The following RBFOX1 variants were observed in gnomAD, a reference collection of about 807,000 sequenced individuals.
RBFOX1 encodes the protein RNA binding protein fox-1 homolog 1.
RBFOX1 carries 8 observed loss-of-function variants against 57.7 expected under a neutral mutation model. That is an observed-to-expected ratio of 0.14 (90% CI 0.08 to 0.25). The LOEUF (loss-of-function observed/expected upper bound fraction) is 0.25, where lower values mean the gene tolerates loss of function less well. Ranked by LOEUF, RBFOX1 falls within the 10% of genes least tolerant of loss-of-function variation. The pLI is 1.00. For synonymous variants in RBFOX1, 326 were observed against 222.4 expected, an observed-to-expected ratio of 1.47 and a Z score of -4.15; for missense variants, 611 against 548.5, an observed-to-expected ratio of 1.11 and a Z score of -1.14.
At chr16:7,258,394 C>G (rs7200654) in intron 4 of RBFOX1, among the ~76,000 whole-genome samples, 2,630 of 152,162 alleles carry the variant, frequency 0.017, 69 homozygotes, top group African/African-American at 0.06. Flanking sequence ...ATACACTTAA[C>G]TTGGGAAGAT....
intron 4 of RBFOX1, among the ~76,000 whole-genome samples, chr16:7,127,583 C>T (rs2068944770): frequency 6.6e-6 from 1 of 152,134 alleles, no homozygotes; most frequent in Non-Finnish European, 1.5e-5. Context: ...GGAATGTGTA[C>T]ATTCTGTATC....
At chr16:7,688,475 C>G (rs1568467601) in intron 14 of RBFOX1, among the ~76,000 whole-genome samples, 1 of 151,944 alleles carries the variant, frequency 6.6e-6, no homozygotes, top group East Asian at 1.9e-4. Flanking sequence ...CTGCCCGCAC[C>G]AAAAGTTTTC....
At chr16:7,036,362 G>A (rs1430959867) in intron 3 of RBFOX1, among the ~76,000 whole-genome samples, 1 of 152,066 alleles carries the variant, frequency 6.6e-6, no homozygotes, top group Admixed American at 6.6e-5. Context: ...CTGTGTTATA[G>A]GAAAGGGGTC....
intron 3 of RBFOX1, among the ~76,000 whole-genome samples, chr16:6,766,207 T>C (rs1027474199): frequency 6.6e-6 from 1 of 152,112 alleles, no homozygotes; most frequent in Non-Finnish European, 1.5e-5. Context: ...ATAAGAGCCC[T>C]TCAGTCCAAC....
intron 5 of RBFOX1, among the ~76,000 whole-genome samples, chr16:7,567,705 A>ATATAGATATAT (rs1567869687): frequency 7.5e-6 from 1 of 133,242 alleles, no homozygotes; most frequent in African/African-American, 2.9e-5. Flanking sequence ...CCCTATATAT[A>ATATAGATATAT]ATCCCTATAT....
intron 4 of RBFOX1, among the ~76,000 whole-genome samples, chr16:7,448,444 G>A (rs993874805): frequency 6.6e-6 from 1 of 152,100 alleles, no homozygotes; most frequent in Non-Finnish European, 1.5e-5. Flanking sequence ...TTTACATGGC[G>A]GCAGGCAAGA....
chr16:6,823,823 G>C (rs1375276346), intron 3 of RBFOX1, among the ~76,000 whole-genome samples: 1 of 152,158 alleles, frequency 6.6e-6, no homozygotes, highest in Non-Finnish European at 1.5e-5. Context: ...TGGGGACCTA[G>C]CCAGGTAATC....
At chr16:6,327,560 G>A (rs143877901) in intron 2 of RBFOX1, among the ~76,000 whole-genome samples, 2 of 152,116 alleles carry the variant, frequency 1.3e-5, no homozygotes, top group African/African-American at 4.8e-5. Flanking sequence ...TGCCCATAAT[G>A]AGGACTCAGA....
intron 1 of RBFOX1, among the ~76,000 whole-genome samples, chr16:6,185,426 A>T (rs1166903203): frequency 6.6e-6 from 1 of 152,194 alleles, no homozygotes; most frequent in African/African-American, 2.4e-5. Context: ...CCATTTTACA[A>T]TGAAGAAACC....
chr16:6,146,462 G>A lies in RBFOX1; in HGVS notation c.-127+126470G>A, dbSNP rs537101174. On this transcript the variant is annotated intron_variant, in intron 1 of 15. Coordinates refer to ENST00000550418, the MANE Select transcript of RBFOX1 (RefSeq NM_018723.4). ...GAGCTGTCCTGTACATTGTAGGATG[G>A]TTGGCAGCCGTAGATGCTGGTAAAA... Among the ~76,000 whole-genome samples, 126 of 152,118 alleles carry A rather than the reference G, an allele frequency of 8.3e-4. 1 individual carries two copies. The highest frequency in any genetic ancestry group is 6.0e-3 in the South Asian group (29 of 4,816).
At chr16:5,258,139 C>G (rs111482649) in intron 1 of RBFOX1, among the ~76,000 whole-genome samples, 4 of 152,118 alleles carry the variant, frequency 2.6e-5, no homozygotes, top group African/African-American at 9.7e-5. Context: ...ACCTCGGCCT[C>G]CTAAAGTGCT....
intron 4 of RBFOX1, among the ~76,000 whole-genome samples, chr16:7,053,472 T>TG (rs1381282229): frequency 2.0e-5 from 3 of 152,220 alleles, no homozygotes; most frequent in African/African-American, 7.2e-5. Context: ...GCTGTTTGGA[T>TG]GGGGACGATG....
At chr16:6,615,328 G>T (rs1384679939) in intron 2 of RBFOX1, among the ~76,000 whole-genome samples, 1 of 152,114 alleles carries the variant, frequency 6.6e-6, no homozygotes, top group African/African-American at 2.4e-5. Flanking sequence ...CTAGTACTTT[G>T]GGAGGCCAAG....
At chr16:7,424,364 A>T (rs1269787741) in intron 4 of RBFOX1, among the ~76,000 whole-genome samples, 2 of 152,120 alleles carry the variant, frequency 1.3e-5, no homozygotes, top group Non-Finnish European at 2.9e-5. Context: ...GGTTCAAGCG[A>T]TGCTCCTGCC....
intron 4 of RBFOX1, among the ~76,000 whole-genome samples, chr16:7,468,498 C>T (rs1471282983): frequency 6.7e-6 from 1 of 149,786 alleles, no homozygotes; most frequent in Non-Finnish European, 1.5e-5. Context: ...TGGAAATAAC[C>T]CATTGGAGTT....
intron 3 of RBFOX1, among the ~76,000 whole-genome samples, chr16:5,719,678 C>A (rs548417355): frequency 5.3e-5 from 8 of 152,056 alleles, no homozygotes; most frequent in Admixed American, 1.3e-4. Context: ...GCCTCTTGTG[C>A]CTGTGTTTTT....
intron 2 of RBFOX1, among the ~76,000 whole-genome samples, chr16:6,523,217 A>T (rs2096532712): frequency 6.6e-6 from 1 of 152,106 alleles, no homozygotes; most frequent in Admixed American, 6.5e-5. Context: ...AATATCTGAT[A>T]AAGAGCAAGT....
chr16:5,872,745 GA>G (rs2057507604), intron 4 of RBFOX1, among the ~76,000 whole-genome samples: 1 of 151,640 alleles, frequency 6.6e-6, no homozygotes, highest in Non-Finnish European at 1.5e-5. Flanking sequence ...TAAAAAAAAA[GA>G]AAAAAAGAAA....
chr16:7,017,947 T>C (rs894252677), intron 3 of RBFOX1, among the ~76,000 whole-genome samples: 1 of 152,206 alleles, frequency 6.6e-6, no homozygotes, highest in Admixed American at 6.5e-5. Flanking sequence ...CGGCGACGTG[T>C]GAATTAGGTG....
Sources: allele counts gnomAD v4.1 joint callset (sites outside exome capture counted in the v4.1 genomes callset), GRCh38; gene constraint gnomAD v4.1.1; transcripts MANE v1.5; gene names NCBI Gene and HGNC (gene_info 2026-07-23, HGNC 2026-07-21).